The following BANK1 variants were observed in gnomAD, a reference collection of about 807,000 sequenced individuals.
BANK1 encodes B-cell scaffold protein with ankyrin repeats.
A neutral mutation model predicts 94.5 loss-of-function variants in BANK1; 95 were observed. The ratio of observed to expected loss-of-function variants is 1.00; its 90% CI spans 0.85 to 1.19. The LOEUF (loss-of-function observed/expected upper bound fraction) is 1.19. BANK1 is among the 50% of genes most tolerant of loss of function. The pLI is 0.00. For missense variants in BANK1, 987 were observed against 932.2 expected (o/e 1.06, Z -0.77); for synonymous variants, 334 against 308.4 (o/e 1.08, Z -0.87).
In BANK1 at chr4:102,074,102, C is replaced by G. The variant is rs191869790; in HGVS notation, c.*103C>G. The G allele has an allele frequency of 4.8e-4, 84 of 174,334 alleles. No homozygotes were observed. Among genetic ancestry groups the G allele is most frequent in the African/African-American group, 1.8e-3 (76 of 42,146 alleles). The allele number at this position is 174,334 out of a possible 1,614,324, so 10.8% of individuals were successfully genotyped here. A position where few individuals can be genotyped will look rare whatever the true frequency, so the allele number is the denominator to read the frequency against. The stretch of plus-strand genomic sequence containing the variant: ...CTGCTCTCTTTAAAGCGAATTCATA[C>G]TATGACAGCAGAAACAAAACTTCAG... On this transcript the variant is annotated 3_prime_UTR_variant, in exon 17 of 17. Coordinates refer to ENST00000322953, the MANE Select transcript of BANK1 (RefSeq NM_017935.5).
intron 7 of BANK1, among the ~76,000 whole-genome samples, chr4:102,009,388 C>A (rs1397524620): frequency 2.0e-5 from 3 of 152,190 alleles, no homozygotes; most frequent in Admixed American, 6.5e-5. Context: ...AATTATGTTG[C>A]TTTGACTGCC....
At chr4:101,792,461 GTGTGTGTGTTTTT>G (rs1352257690) in intron 1 of BANK1, among the ~76,000 whole-genome samples, 2 of 97,396 alleles carry the variant, frequency 2.1e-5, no homozygotes, top group African/African-American at 3.0e-5. Flanking sequence ...GTGTGTGTGT[GTGTGTGTGTTTTT>G]TTTTTTTTAA....
intron 7 of BANK1, among the ~76,000 whole-genome samples, chr4:101,978,223 A>G (rs1424429274): frequency 6.6e-6 from 1 of 152,096 alleles, no homozygotes; most frequent in Non-Finnish European, 1.5e-5. Context: ...TCCAGATCAG[A>G]AAATGATGAA....
chr4:101,793,550 T>G (rs1296323306), intron 1 of BANK1, among the ~76,000 whole-genome samples: 1 of 152,208 alleles, frequency 6.6e-6, no homozygotes, highest in Non-Finnish European at 1.5e-5. Context: ...GAACCTTTTC[T>G]GCAATATCTA....
intron 1 of BANK1, among the ~76,000 whole-genome samples, chr4:101,797,867 A>G (rs1176424633): frequency 6.6e-6 from 1 of 152,222 alleles, no homozygotes; most frequent in African/African-American, 2.4e-5. Flanking sequence ...TATAAAATTA[A>G]GAAAAACATT....
rs1161632298 is a variant in BANK1, at chr4:101,986,891, G to A, written c.1207-34623G>A. Reference sequence around the variant, plus strand: ...TGTGTGTATGTGTGTGTGTGTGTGTGTGTGTGTGTATATATATATATATAT... The same window carrying A: ...TGTGTGTATGTGTGTGTGTGTGTGTATGTGTGTGTATATATATATATATAT... On this transcript the variant is annotated intron_variant, in intron 7 of 16. Coordinates refer to ENST00000322953, the MANE Select transcript of BANK1 (RefSeq NM_017935.5). Among the ~76,000 whole-genome samples, 105 of 94,644 alleles carry A rather than the reference G, an allele frequency of 1.1e-3. 2 individuals are homozygous for A. Among genetic ancestry groups the A allele is most frequent in the East Asian group, 0.01 (34 of 3,320 alleles). 62.1% of individuals were successfully genotyped at this position (94,644 alleles called of 152,430 possible). A position where few individuals can be genotyped will look rare whatever the true frequency, so the allele number is the denominator to read the frequency against.
rs147751231 is a variant in BANK1 at position 102,028,906 on chromosome 4, GT to G, written c.1595-1044del. On this transcript the variant is annotated intron_variant, in intron 9 of 16. Transcript: ENST00000322953. ...AGTGTCTTTCATCTGTTTTTTATTT[GT>G]TTTTTTTTTGTTTGTTTTTATTTTT... is the stretch of plus-strand genomic sequence containing the variant. Among the ~76,000 whole-genome samples the G allele has an allele frequency of 1.5e-3, 216 of 145,830 alleles. 1 individual carries two copies. Among genetic ancestry groups the G allele is most frequent in the African/African-American group, 4.3e-3 (171 of 40,002 alleles).
rs572812438 is a variant in BANK1, at chr4:101,932,247, A to C, written c.1206+14058A>C. On this transcript the variant is annotated intron_variant, in intron 7 of 16. Coordinates refer to ENST00000322953, the MANE Select transcript of BANK1 (RefSeq NM_017935.5). ...CACCAATCCCACTCTAACCTTAATA[A>C]ACCTAGAATTCAACTGTTTCCTGAT... 5.9e-5 allele frequency among the ~76,000 whole-genome samples: 9 copies of C among 151,562 alleles called. No individual in the cohort carries two copies. The South Asian group carries it at 1.9e-3, about 32-fold the overall frequency.
At chr4:102,052,113 C>CTTTTTTTTTTTTTTTTTTTT (rs199811166) in intron 11 of BANK1, among the ~76,000 whole-genome samples, 11 of 103,992 alleles carry the variant, frequency 1.1e-4, no homozygotes, top group South Asian at 3.5e-4. Context: ...TTCTTTTTTT[C>CTTTTTTTTTTTTTTTTTTTT]TTTTTTTTTT....
At chr4:101,950,849 C>G (rs1724124141) in intron 7 of BANK1, among the ~76,000 whole-genome samples, 1 of 152,118 alleles carries the variant, frequency 6.6e-6, no homozygotes, top group African/African-American at 2.4e-5. Flanking sequence ...GGTGGCTCCA[C>G]CATTGAGGTC....
chr4:102,007,674 G>A (rs903235386), intron 7 of BANK1, among the ~76,000 whole-genome samples: 3 of 151,994 alleles, frequency 2.0e-5, no homozygotes, highest in African/African-American at 7.2e-5. Flanking sequence ...TTTCTCCTCT[G>A]AAAACGGTAA....
rs774826005 is a variant in BANK1 at position 102,025,436 on chromosome 4, C to T, written c.1521C>T (p.Ser507=). ...ENNSQEPLMS[S]RPPLPPPRPV... ...ATTCACAAGAGCCACTCATGAGCAG[C>T]AGACCTCCTCTCCCCCCGCCGCGAC... Residue 507 remains serine, a synonymous_variant, in exon 9 of 17, where the codon AGC becomes AGT. Transcript: ENST00000322953. 3.1e-6 allele frequency: 5 copies of T among 1,614,110 alleles called. No homozygotes were observed. Among genetic ancestry groups the T allele is most frequent in the Non-Finnish European group, 4.2e-6 (5 of 1,180,022 alleles).
chr4:102,033,875 T>A (rs1476998543), intron 10 of BANK1, among the ~76,000 whole-genome samples: 1 of 152,242 alleles, frequency 6.6e-6, no homozygotes, highest in African/African-American at 2.4e-5. Context: ...TTTATTTCCT[T>A]TTCTCTTTCA....
At chr4:101,830,532 T>C (rs1726576336) in intron 2 of BANK1, among the ~76,000 whole-genome samples, 2 of 152,168 alleles carry the variant, frequency 1.3e-5, no homozygotes. Flanking sequence ...TGGTTTCTTA[T>C]GTAACTGGTG....
intron 2 of BANK1, among the ~76,000 whole-genome samples, chr4:101,846,957 T>A (rs1260501648): frequency 6.6e-6 from 1 of 152,174 alleles, no homozygotes; most frequent in Non-Finnish European, 1.5e-5. Flanking sequence ...TTATTTTCCT[T>A]ATTAAAAATG....
intron 9 of BANK1, among the ~76,000 whole-genome samples, chr4:102,028,415 A>G (rs1727174409): frequency 6.6e-6 from 1 of 152,364 alleles, no homozygotes; most frequent in South Asian, 2.1e-4. Flanking sequence ...AAATGAAACT[A>G]TAAGAGTTAA....
At chr4:101,816,015 T>C (rs927617651) in intron 1 of BANK1, among the ~76,000 whole-genome samples, 1 of 152,194 alleles carries the variant, frequency 6.6e-6, no homozygotes, top group South Asian at 2.1e-4. Flanking sequence ...AATGAACTTT[T>C]ATGTGTTTGT....
At chr4:101,933,965 AACAG>A (rs1281662419) in intron 7 of BANK1, among the ~76,000 whole-genome samples, 1 of 151,472 alleles carries the variant, frequency 6.6e-6, no homozygotes, top group African/African-American at 2.4e-5. Flanking sequence ...TTTGCTGCCA[AACAG>A]ACAAACAAAA....
At position 102,021,049 on chromosome 4, in the gene BANK1, T is replaced by C. The variant is rs142567178; in HGVS notation, c.1207-465T>C. On this transcript the variant is annotated intron_variant, in intron 7 of 16. Transcript: ENST00000322953. The stretch of plus-strand genomic sequence containing the variant: ...AATAAAGAGAAGTACCCTTACTGGA[T>C]TTATTTCTTTTTTGTAAAGATGGAG... 5.5e-4 allele frequency among the ~76,000 whole-genome samples: 83 copies of C among 152,266 alleles called. 1 individual carries two copies. Among genetic ancestry groups the C allele is most frequent in the African/African-American group, 1.9e-3 (77 of 41,576 alleles).
Sources: allele counts gnomAD v4.1 joint callset (sites outside exome capture counted in the v4.1 genomes callset), GRCh38; gene constraint gnomAD v4.1.1; transcripts MANE v1.5; gene names NCBI Gene and HGNC (gene_info 2026-07-23, HGNC 2026-07-21).